Variants in NRXN2 observed in about 807,000 individuals in gnomAD.
NRXN2 encodes the protein neurexin-2-beta.
Under a neutral mutation model 128.8 loss-of-function variants are expected in NRXN2, and 29 were observed. The observed-to-expected ratio is 0.23, with a 90% confidence interval of 0.17 to 0.31. The LOEUF is 0.31. Among genes scored for constraint, NRXN2 ranks in the 10% least tolerant of loss-of-function variants. The pLI, the probability that NRXN2 is intolerant of heterozygous loss-of-function variation, is 1.00. For missense variants in NRXN2, 1,881 were observed against 2,452.6 expected (o/e 0.77, Z 4.92); for synonymous variants, 1,098 against 1,075.2 (o/e 1.02, Z -0.41).
chr11:64,704,398 A>G (rs981419069), intron 2 of NRXN2, among the ~76,000 whole-genome samples: 1 of 152,086 alleles, frequency 6.6e-6, no homozygotes, highest in Non-Finnish European at 1.5e-5. Context: ...CTCTACACAC[A>G]CTGCCTAGAA....
At chr11:64,697,748 C>T (rs771579161) in intron 3 of NRXN2, 27 bp downstream of exon 3, 3 of 1,613,404 alleles carry the variant, frequency 1.9e-6, no homozygotes, top group Admixed American at 1.7e-5. Context: ...AGATCCACTA[C>T]CCCAGTGACA....
chr11:64,709,909 T>C (rs1371071601), intron 2 of NRXN2, among the ~76,000 whole-genome samples: 1 of 135,900 alleles, frequency 7.4e-6, no homozygotes, highest in Admixed American at 7.4e-5. Flanking sequence ...TTCTTCTTCC[T>C]TTTTTTTTTT....
chr11:64,693,023 C>A (rs1270256096), intron 3 of NRXN2, 147 bp from the exon 4 acceptor site: 2 of 742,806 alleles, frequency 2.7e-6, no homozygotes. Context: ...ATTTAAAAAC[C>A]TTTTTTAACT....
chr11:64,669,024 G>A (rs1423773260), intron 7 of NRXN2, among the ~76,000 whole-genome samples: 3 of 152,148 alleles, frequency 2.0e-5, no homozygotes, highest in Non-Finnish European at 2.9e-5. Context: ...GGACACACAC[G>A]TAACTCCAGA....
At position 64,622,868 on chromosome 11, in the gene NRXN2, G is replaced by A. The variant is rs201146031; in HGVS notation, c.4058C>T (p.Thr1353Met). 4.7e-5 allele frequency: 76 copies of A among 1,612,618 alleles called. No homozygotes were observed. The highest frequency in any genetic ancestry group is 6.0e-5 in the Non-Finnish European group (71 of 1,179,848). Residue 1353 changes from threonine (T) to methionine (M), a missense_variant, in exon 21 of 23, where the codon ACG becomes ATG. Thr to Met is a moderately conservative substitution (Grantham distance 81). Around this residue, in one of 7 missense-constraint regions of NRXN2, gnomAD observed 108 missense variants for 165.2 expected, o/e 0.65. Coordinates refer to ENST00000265459, the MANE Select transcript of NRXN2 (RefSeq NM_015080.4). This position sits in a 1 kb window ranked among gnomAD's most constrained non-coding sequence, Gnocchi z 4.3. ...GPSVLLSAET[T>M]ATTLLADMAT... ...CATGTCAGCCAGCAGGGTGGTGGCC[G>A]TGGTCTCCGCACTGAGCAGCACGGA...
intron 12 of NRXN2, 86 bp from the exon 13 acceptor site, chr11:64,652,240 C>T (rs1189494454): frequency 6.6e-6 from 10 of 1,511,236 alleles, no homozygotes; most frequent in Middle Eastern, 1.8e-4. Flanking sequence ...CAGACAGCCT[C>T]CCCATCCCCG....
intron 2 of NRXN2, among the ~76,000 whole-genome samples, chr11:64,707,124 C>T (rs893710425): frequency 6.6e-6 from 1 of 152,014 alleles, no homozygotes; most frequent in Non-Finnish European, 1.5e-5. Flanking sequence ...CACCTGTAAT[C>T]CCAGCACTTT....
chr11:64,629,285 T>A (rs550381283), intron 19 of NRXN2, among the ~76,000 whole-genome samples: 1 of 152,260 alleles, frequency 6.6e-6, no homozygotes, highest in South Asian at 2.1e-4. Flanking sequence ...TATCTCACCA[T>A]CTCTGTGTTT....
intron 17 of NRXN2, among the ~76,000 whole-genome samples, chr11:64,641,888 A>G (rs2045726610): frequency 6.6e-6 from 1 of 151,986 alleles, no homozygotes; most frequent in African/African-American, 2.4e-5. Context: ...GATTAGGGGA[A>G]CAAGGATGGG....
chr11:64,614,741 C>A (rs879797613), intron 22 of NRXN2, among the ~76,000 whole-genome samples: 1 of 152,266 alleles, frequency 6.6e-6, no homozygotes, highest in Non-Finnish European at 1.5e-5. Flanking sequence ...CCACAGTATG[C>A]TGGGTGTGTA....
intron 17 of NRXN2, among the ~76,000 whole-genome samples, chr11:64,644,321 G>C (rs1339823058): frequency 6.6e-6 from 1 of 151,642 alleles, no homozygotes; most frequent in African/African-American, 2.4e-5. Flanking sequence ...CCAAAAAGCT[G>C]CTCCCCCAGC....
rs374891819 is a variant in NRXN2, at chr11:64,667,772, G to C, written c.1360-84C>G. 3 of 1,358,312 alleles carry C rather than the reference G, an allele frequency of 2.2e-6. No homozygotes were observed. The highest frequency in any genetic ancestry group is 2.4e-5 in the South Asian group (2 of 83,938). The allele number at this position is 1,358,312 out of a possible 1,614,324, so 84.1% of individuals were successfully genotyped here. A position where few individuals can be genotyped will look rare whatever the true frequency, so the allele number is the denominator to read the frequency against. On this transcript the variant is annotated intron_variant, in intron 8 of 22. Transcript: ENST00000265459. This position sits in a 1 kb window ranked among gnomAD's most constrained non-coding sequence, Gnocchi z 5.6. Reference sequence around the variant, plus strand: ...CTCCCACCCAGCAGCGAGCACCAGGGGACCCAGCCACCCACCCCTGTAGCC... The same window carrying C: ...CTCCCACCCAGCAGCGAGCACCAGGCGACCCAGCCACCCACCCCTGTAGCC...
Position 64,648,658 on chromosome 11 carries a change from C to T in NRXN2, c.3283+76G>A. ...GGCCCCTTGGCAGAGCAAAGGCTAC[C>T]TGCCCCGGTCTGCCTCTGCAGCTGG... On this transcript the variant is annotated intron_variant, in intron 16 of 22. Coordinates refer to ENST00000265459, the MANE Select transcript of NRXN2 (RefSeq NM_015080.4). The surrounding 1 kb of genome is among the most constrained non-coding windows in gnomAD (Gnocchi z 4.1). 1 of 1,586,762 alleles carries T rather than the reference C, an allele frequency of 6.3e-7. No individual in the cohort carries two copies.
chr11:64,709,761 T>G (rs1196287320), intron 2 of NRXN2, among the ~76,000 whole-genome samples: 2 of 152,020 alleles, frequency 1.3e-5, no homozygotes, highest in Non-Finnish European at 2.9e-5. Context: ...CAGAAATGAA[T>G]AAAGACACAA....
At chr11:64,625,649 C>T (rs2042973982) in intron 20 of NRXN2, among the ~76,000 whole-genome samples, 1 of 152,104 alleles carries the variant, frequency 6.6e-6, no homozygotes, top group African/African-American at 2.4e-5. Flanking sequence ...ACAGAGCTCG[C>T]CCCGCCTCCC....
At chr11:64,661,826 C>G (rs1320062201) in intron 9 of NRXN2, among the ~76,000 whole-genome samples, 1 of 152,168 alleles carries the variant, frequency 6.6e-6, no homozygotes, top group African/African-American at 2.4e-5. Context: ...GCACTCTCCA[C>G]CCCTCAGCCA....
chr11:64,653,229 C>T (rs539083070), intron 12 of NRXN2, among the ~76,000 whole-genome samples: 1 of 152,230 alleles, frequency 6.6e-6, no homozygotes, highest in South Asian at 2.1e-4. Flanking sequence ...CTGAAGAGGG[C>T]TCCCTTCCCA....
Position 64,622,951 on chromosome 11 carries a change from G to A in NRXN2, c.3975C>T (p.Ala1325=), listed in dbSNP as rs779106674. 16 of 1,613,102 alleles carry A rather than the reference G, an allele frequency of 9.9e-6. No individual in the cohort carries two copies. The highest frequency in any genetic ancestry group is 6.7e-5 in the Admixed American group (4 of 59,930). ...YNGLKVLALA[A]ESDPNVRTEG... is the part of the protein sequence containing the mutation. Reference sequence around the variant, plus strand: ...CAGTCCGCACATTGGGGTCGCTCTCGGCGGCCAGCGCCAGCACCTTGAGCC... The same window carrying A: ...CAGTCCGCACATTGGGGTCGCTCTCAGCGGCCAGCGCCAGCACCTTGAGCC... The change falls in exon 21 of 23, where the codon GCC becomes GCT. Residue 1325 remains alanine, a synonymous_variant. Transcript: ENST00000265459. The surrounding 1 kb of genome is among the most constrained non-coding windows in gnomAD (Gnocchi z 4.3).
Position 64,713,454 on chromosome 11 carries a change from C to T in NRXN2, c.246G>A (p.Leu82=), listed in dbSNP as rs12293481. The change falls in exon 2 of 23, where the codon CTG becomes CTA. Residue 82 remains leucine (L), a synonymous_variant. Coordinates refer to ENST00000265459, the MANE Select transcript of NRXN2 (RefSeq NM_015080.4). ...GGDCDFLELL[L]VDGRLRLRFT... ...AGCGCAGCCGCAGGCGGCCGTCCACCAGCAGCAGCTCCAGGAAGTCGCAGT... is the reference window on the plus strand; with the variant it reads ...AGCGCAGCCGCAGGCGGCCGTCCACTAGCAGCAGCTCCAGGAAGTCGCAGT... The T allele has an allele frequency of 4.9e-3, 7,485 of 1,527,574 alleles. 263 individuals carry two copies. The African/African-American group carries it at 0.083, about 17-fold the overall frequency. 94.6% of individuals were successfully genotyped at this position (1,527,574 alleles called of 1,614,324 possible). A position where few individuals can be genotyped will look rare whatever the true frequency, so the allele number is the denominator to read the frequency against.
Sources: allele counts gnomAD v4.1 joint callset (sites outside exome capture counted in the v4.1 genomes callset), GRCh38; gene constraint gnomAD v4.1.1; regional missense constraint gnomAD v4.1.1; non-coding constraint Gnocchi (gnomAD v3.1); transcripts MANE v1.5; gene names NCBI Gene and HGNC (gene_info 2026-07-23, HGNC 2026-07-21).